APOB: variants seen among roughly 807,000 people sequenced by gnomAD.
APOB encodes apolipoprotein B.
In APOB, 153 loss-of-function variants were observed where a neutral mutation model predicts 314.1. The observed-to-expected ratio is 0.49, with a 90% CI of 0.43 to 0.56. APOB has a LOEUF of 0.56. APOB is among the 20% of genes least tolerant of loss of function. APOB has a pLI of 0.00. For missense variants in APOB, 5,430 were observed against 5,350.7 expected, an observed-to-expected ratio of 1.01 and a Z score of -0.46; for synonymous variants, 2,087 against 2,036.4, an observed-to-expected ratio of 1.02 and a Z score of -0.67.
rs1663143963 is a variant in APOB, at chr2:21,006,544, G to T, written c.10324C>A (p.Gln3442Lys). 5 of 1,614,094 alleles carry T rather than the reference G, an allele frequency of 3.1e-6. No individual in the cohort carries two copies. Among genetic ancestry groups the T allele is most frequent in the Non-Finnish European group, 4.2e-6 (5 of 1,179,958 alleles). Residue 3442 changes from glutamine (Q) to lysine (K), a missense_variant, in exon 26 of 29, where the codon CAA becomes AAA. Gln to Lys is a moderately conservative substitution (Grantham distance 53, BLOSUM62 1). Around this residue, in one of 3 missense-constraint regions of APOB, gnomAD observed 3,281 missense variants for 3,171.0 expected, o/e 1.03. Coordinates refer to ENST00000233242, the MANE Select transcript of APOB (RefSeq NM_000384.3). ...GACTTGGTATTTCCATTAAGTTCTT[G>T]CTTGAAATTCATTCTCAAAATTGGA... ...QIPILRMNFK[Q>K]ELNGNTKSKP...
intron 18 of APOB, among the ~76,000 whole-genome samples, chr2:21,020,264 T>C (rs1265257398): frequency 1.3e-5 from 2 of 152,206 alleles, no homozygotes; most frequent in Non-Finnish European, 2.9e-5. Flanking sequence ...CAAGAGAAAC[T>C]GTCTCTTTCA....
chr2:21,016,906 C>T (rs1369958366), intron 20 of APOB, among the ~76,000 whole-genome samples: 2 of 151,786 alleles, frequency 1.3e-5, no homozygotes, highest in Admixed American at 6.6e-5. Context: ...ATGGCATGAA[C>T]CCGGGAGGCG....
In APOB at chr2:21,007,156, A is replaced by G; in HGVS notation, c.9712T>C (p.Ser3238Pro). ...AAGGTCCTGGGGAGCTCGTCGTGAG[A>G]TTTTTCAGCTTTGTACTTATCAAAC... ...IKFDKYKAEK[S>P]HDELPRTFQI... Residue 3238 changes from serine (S) to proline (P), a missense_variant, in exon 26 of 29, where the codon TCT (serine) becomes CCT (proline). By Grantham distance (74) the Ser-to-Pro change is moderately conservative. This residue lies in a region of APOB where 3,281 missense variants were observed against 3,171.0 expected (regional missense o/e 1.03). Coordinates refer to ENST00000233242, the MANE Select transcript of APOB (RefSeq NM_000384.3). 1 of 1,613,872 alleles carries G rather than the reference A, an allele frequency of 6.2e-7. No individual in the cohort carries two copies. The highest frequency in any genetic ancestry group is 1.3e-5 in the African/African-American group (1 of 74,992).
At position 21,001,671 on chromosome 2, in the gene APOB, C is replaced by G. The variant is rs1274773000; in HGVS notation, c.*59G>C. ...TCAATATAGGCAGTTTGAATTTTTTCTGTGCTATGTGAAAGTTCAATTGGA... is the reference window on the plus strand; with the variant it reads ...TCAATATAGGCAGTTTGAATTTTTTGTGTGCTATGTGAAAGTTCAATTGGA... On this transcript the variant is annotated 3_prime_UTR_variant, in exon 29 of 29. Transcript: ENST00000233242. The G allele has an allele frequency of 2.6e-6, 4 of 1,567,686 alleles. No homozygotes were observed. In the East Asian group the frequency reaches 6.7e-5, roughly 26 times the overall value.
In APOB at chr2:21,013,352, T is replaced by C. The variant is rs780328279; in HGVS notation, c.4024A>G (p.Ile1342Val). 20 of 1,614,082 alleles carry C rather than the reference T, an allele frequency of 1.2e-5. No homozygotes were observed. The highest frequency in any genetic ancestry group is 3.3e-4 in the Middle Eastern group (2 of 6,084). ...SREFQVPTFT[I>V]PKLYQLQVPL... ...ACTTGCAGTTGATACAACTTGGGAA[T>C]GGTAAAAGTAGGGACTTGGAACTCT... Residue 1342 changes from isoleucine (I) to valine (V), a missense_variant, in exon 25 of 29, where the codon ATT (isoleucine) becomes GTT (valine). By Grantham distance (29) the Ile-to-Val change is conservative. Coordinates refer to ENST00000233242, the MANE Select transcript of APOB (RefSeq NM_000384.3).
chr2:21,020,936 T>C (rs1663591251), intron 18 of APOB, among the ~76,000 whole-genome samples: 1 of 152,234 alleles, frequency 6.6e-6, no homozygotes, highest in South Asian at 2.1e-4. Flanking sequence ...CTTCTTCCTT[T>C]ATATGTTTGT....
chr2:21,042,745 C>A (rs1664162740), intron 2 of APOB, among the ~76,000 whole-genome samples: 1 of 151,976 alleles, frequency 6.6e-6, no homozygotes, highest in East Asian at 1.9e-4. Flanking sequence ...AGTAATGGGG[C>A]TCAGAAAATC....
chr2:21,008,989 G>A lies in APOB; in HGVS notation c.7879C>T (p.Pro2627Ser). ...TCTTTGAAGTTTATCTGAACTGATG[G>A]AATCCTCAAATCTGTTAGGGGGACT... ...FIVPLTDLRI[P>S]SVQINFKDLK... The change falls in exon 26 of 29, where the codon CCA becomes TCA. Residue 2627 changes from proline (P) to serine (S), a missense_variant. Coordinates refer to ENST00000233242, the MANE Select transcript of APOB (RefSeq NM_000384.3). 1 of 1,613,952 alleles carries A rather than the reference G, an allele frequency of 6.2e-7. No homozygotes were observed.
In APOB at chr2:21,038,075, C is replaced by T. The variant is rs758439614; in HGVS notation, c.420G>A (p.Gln140=). ...CATCTTTCTCCGGGTAAAGGAAAAC[C>T]TGCTTCCCTTCTGGAATGGCCAGCT... is the stretch of plus-strand genomic sequence containing the variant. ...ELKLAIPEGK[Q]VFLYPEKDEP... The change falls in exon 5 of 29, where the codon CAG becomes CAA. Residue 140 remains glutamine, a synonymous_variant. Coordinates refer to ENST00000233242, the MANE Select transcript of APOB (RefSeq NM_000384.3). 2 of 1,614,208 alleles carry T rather than the reference C, an allele frequency of 1.2e-6. No homozygotes were observed. The highest frequency in any genetic ancestry group is 3.3e-5 in the Admixed American group (2 of 60,030).
intron 23 of APOB, 22 bp downstream of exon 23, chr2:21,015,051 T>C (rs1464026317): frequency 6.2e-7 from 1 of 1,608,586 alleles, no homozygotes; most frequent in East Asian, 2.2e-5. Context: ...ATGTATTTAT[T>C]GACTGGCAGA....
chr2:21,003,106 T>C lies in APOB; in HGVS notation c.12316A>G (p.Arg4106Gly). 1 of 1,598,996 alleles carries C rather than the reference T, an allele frequency of 6.3e-7. No individual in the cohort carries two copies. The highest frequency in any genetic ancestry group is 8.5e-7 in the Non-Finnish European group (1 of 1,171,342). The change falls in exon 29 of 29, where the codon AGA (arginine) becomes GGA (glycine). Residue 4106 changes from arginine to glycine, a missense_variant. Physicochemically the swap from Arg to Gly is moderately radical, Grantham distance 125 (BLOSUM62 -2). Coordinates refer to ENST00000233242, the MANE Select transcript of APOB (RefSeq NM_000384.3). The part of the protein sequence containing the change: ...TLREVSSKLR[R>G]NLQNNAEWVY... ...CACTCAGCATTGTTCTGCAGATTTCTTCTCAGCTTTGAAGACACTTCTCTC... is the reference window on the plus strand; with the variant it reads ...CACTCAGCATTGTTCTGCAGATTTCCTCTCAGCTTTGAAGACACTTCTCTC...
rs145096453 is a variant in APOB at position 21,006,153 on chromosome 2, T to C, written c.10715A>G (p.Gln3572Arg). 1 of 1,613,884 alleles carries C rather than the reference T, an allele frequency of 6.2e-7. No individual in the cohort carries two copies. The highest frequency in any genetic ancestry group is 8.5e-7 in the Non-Finnish European group (1 of 1,179,956). The change falls in exon 26 of 29, where the codon CAG becomes CGG. Residue 3572 changes from glutamine (Q) to arginine (R), a missense_variant. Gln to Arg is a conservative substitution (Grantham distance 43). Around this residue, in one of 3 missense-constraint regions of APOB, gnomAD observed 3,281 missense variants for 3,171.0 expected, o/e 1.03. Transcript: ENST00000233242. Reference protein sequence around the residue: ...LWEHSTKNHLQLEGLFFTNGE... With the variant: ...LWEHSTKNHLRLEGLFFTNGE... ...GTTGGTGAAAAAGAGGCCCTCTAGC[T>C]GTAAGTGGTTTTTCGTACTGTGCTC...
intron 14 of APOB, among the ~76,000 whole-genome samples, chr2:21,027,306 ATTTTTTTTTT>A (rs71391771): frequency 8.5e-5 from 9 of 105,884 alleles, no homozygotes; most frequent in Non-Finnish European, 1.3e-4. Context: ...TTGCATTTCA[ATTTTTTTTTT>A]TTTTTTTTTT....
At chr2:21,017,439 G>T (rs2103365255) in intron 20 of APOB, among the ~76,000 whole-genome samples, 1 of 152,256 alleles carries the variant, frequency 6.6e-6, no homozygotes, top group East Asian at 1.9e-4. Flanking sequence ...CATACTTGGT[G>T]GTCAGAGAAA....
At position 21,004,379 on chromosome 2, in the gene APOB, C is replaced by A; in HGVS notation, c.11977G>T (p.Asp3993Tyr). ...GCTGAGGTGGAGATGCCTTTCTTGTCTTTCTGGTAGCGCAGATGGAGATCG... is the reference window on the plus strand; with the variant it reads ...GCTGAGGTGGAGATGCCTTTCTTGTATTTCTGGTAGCGCAGATGGAGATCG... ...FTDLHLRYQK[D>Y]KKGISTSAAS... Residue 3993 changes from aspartate (D) to tyrosine (Y), a missense_variant, in exon 28 of 29, where the codon GAC becomes TAC. Asp to Tyr is a radical substitution (Grantham distance 160). Coordinates refer to ENST00000233242, the MANE Select transcript of APOB (RefSeq NM_000384.3). The A allele has an allele frequency of 6.2e-7, 1 of 1,613,970 alleles. No individual in the cohort carries two copies. Among genetic ancestry groups the A allele is most frequent in the Non-Finnish European group, 8.5e-7 (1 of 1,179,914 alleles).
In APOB at chr2:21,009,490, G is replaced by A. The variant is rs1663245763; in HGVS notation, c.7378C>T (p.Pro2460Ser). 5.6e-6 allele frequency: 9 copies of A among 1,614,034 alleles called. No individual in the cohort carries two copies. The highest frequency in any genetic ancestry group is 1.6e-4 in the Middle Eastern group (1 of 6,062). The change falls in exon 26 of 29, where the codon CCA becomes TCA. Residue 2460 changes from proline to serine, a missense_variant. Pro to Ser is a moderately conservative substitution (Grantham distance 74, BLOSUM62 -1). Transcript: ENST00000233242. The stretch of plus-strand genomic sequence containing the variant: ...AGTTTTAATGCTTCAGCTTTTTGTG[G>A]TAGTTCCAGAGCCTGAATTTCACCA... ...LNGEIQALEL[P>S]QKAEALKLFL...
intron 10 of APOB, among the ~76,000 whole-genome samples, chr2:21,031,223 T>C (rs966249230): frequency 3.3e-5 from 5 of 152,176 alleles, no homozygotes; most frequent in African/African-American, 9.7e-5. Flanking sequence ...CAATGGACGA[T>C]TGGATTAAAA....
At position 21,042,459 on chromosome 2, in the gene APOB, T is replaced by G; in HGVS notation, c.139A>C (p.Lys47Gln). Residue 47 changes from lysine to glutamine, a missense_variant, in exon 3 of 29, where the codon AAG becomes CAG. By Grantham distance (53) the Lys-to-Gln change is moderately conservative. Transcript: ENST00000233242. ...LVCPKDATRF[K>Q]HLRKYTYNYE... is the part of the protein sequence containing the mutation. ...TTGTATGTGTACTTCCGGAGGTGCT[T>G]GAATCGGGTCGCATCTTCTAACGTG... 6.2e-7 allele frequency: 1 copy of G among 1,614,146 alleles called. No individual in the cohort carries two copies. Among genetic ancestry groups the G allele is most frequent in the Non-Finnish European group, 8.5e-7 (1 of 1,179,988 alleles).
rs1664186575 is a variant in APOB, at chr2:21,043,508, C to T, written c.121+5G>A. The T allele has an allele frequency of 1.9e-6, 3 of 1,603,082 alleles. 1 individual carries two copies. Among genetic ancestry groups the T allele is most frequent in the South Asian group, 2.3e-5 (2 of 88,634 alleles). On this transcript the variant is annotated splice_donor_5th_base_variant and intron_variant, in intron 2 of 28. Coordinates refer to ENST00000233242, the MANE Select transcript of APOB (RefSeq NM_000384.3). ...CCTTCCACGCCCCATGCGCAGATGC[C>T]TTACTTGGACAGACCAGGCTGACAT...
Sources: gnomAD v4.1 joint callset for allele counts (sites outside exome capture counted in the v4.1 genomes callset) on GRCh38, gnomAD v4.1.1 for gene constraint, gnomAD v4.1.1 regional missense constraint, MANE v1.5 for transcripts, NCBI Gene and HGNC (gene_info 2026-07-23, HGNC 2026-07-21) for gene names.